The following PCCA variants were observed in gnomAD, a reference collection of about 807,000 sequenced individuals.
PCCA encodes propionyl-CoA carboxylase subunit alpha.
In PCCA, 74 loss-of-function variants were observed where a neutral mutation model predicts 101.3. The observed-to-expected ratio is 0.73, with a 90% confidence interval of 0.61 to 0.89. The LOEUF (loss-of-function observed/expected upper bound fraction) is 0.89, where lower values mean the gene tolerates loss of function less well. Ranked by LOEUF, PCCA falls within the 40% of genes least tolerant of loss-of-function variation. PCCA has a pLI of 0.00. For synonymous variants in PCCA, 294 were observed against 313.6 expected (o/e 0.94, Z 0.66); for missense variants, 891 against 907.0 (o/e 0.98, Z 0.23).
chr13:100,526,167 A>G (rs575147697), intron 22 of PCCA, among the ~76,000 whole-genome samples: 6 of 152,316 alleles, frequency 3.9e-5, no homozygotes, highest in East Asian at 1.9e-4. Context: ...TAAAATGCCA[A>G]CTGGAGGGAG....
At position 100,262,784 on chromosome 13, in the gene PCCA, C is replaced by A; in HGVS notation, c.772C>A (p.Leu258Ile). The A allele has an allele frequency of 6.5e-7, 1 of 1,549,654 alleles. No homozygotes were observed. Among genetic ancestry groups the A allele is most frequent in the Non-Finnish European group, 8.8e-7 (1 of 1,131,314 alleles). Residue 258 changes from leucine to isoleucine, a missense_variant, in exon 10 of 24, where the codon CTA (leucine) becomes ATA (isoleucine). Leu to Ile is a conservative substitution (Grantham distance 5). Coordinates refer to ENST00000376285, the MANE Select transcript of PCCA (RefSeq NM_000282.4). The part of the protein sequence containing the change: ...EAASSFGDDR[L>I]LIEKFIDNPR... ...TGCTTCTAGTTTTGGCGATGATAGACTACTAATAGAAAAATTTATTGATAA... is the reference window on the plus strand; with the variant it reads ...TGCTTCTAGTTTTGGCGATGATAGAATACTAATAGAAAAATTTATTGATAA...
chr13:100,166,840 C>T (rs987706332), intron 6 of PCCA, among the ~76,000 whole-genome samples: 2 of 152,084 alleles, frequency 1.3e-5, no homozygotes, highest in Non-Finnish European at 2.9e-5. Flanking sequence ...TCTGCAAACT[C>T]GTTGGTACAA....
intron 19 of PCCA, among the ~76,000 whole-genome samples, chr13:100,421,036 G>A (rs143331391): frequency 0.029 from 4,444 of 152,130 alleles, 242 homozygotes; most frequent in African/African-American, 0.1. Context: ...GTGAAACACC[G>A]TCTCTACTAA....
At chr13:100,273,158 T>A in intron 11 of PCCA, 38 bp from the exon 12 acceptor site, 1 of 1,563,758 alleles carries the variant, frequency 6.4e-7, no homozygotes, top group Non-Finnish European at 8.8e-7. Flanking sequence ...ACTTGATTTT[T>A]GTCCGAAATG....
At chr13:100,219,810 T>C (rs1299041789) in intron 7 of PCCA, among the ~76,000 whole-genome samples, 1 of 152,210 alleles carries the variant, frequency 6.6e-6, no homozygotes, top group Non-Finnish European at 1.5e-5. Context: ...TATTTTTCCA[T>C]TGTAATTTCT....
At position 100,273,304 on chromosome 13, in the gene PCCA, T is replaced by C; in HGVS notation, c.1023T>C (p.Ser341=). The part of the protein sequence containing the change: ...SAGTVEFLVD[S]KKNFYFLEMN... ...GGACCGTGGAGTTCCTTGTGGACTCTAAGAAGAATTTTTATTTCTTGGAAA... is the reference window on the plus strand; with the variant it reads ...GGACCGTGGAGTTCCTTGTGGACTCCAAGAAGAATTTTTATTTCTTGGAAA... The change falls in exon 12 of 24, where the codon TCT becomes TCC. Residue 341 remains serine, a synonymous_variant. Transcript: ENST00000376285. The C allele has an allele frequency of 6.2e-7, 1 of 1,612,890 alleles. No individual in the cohort carries two copies. Among genetic ancestry groups the C allele is most frequent in the Non-Finnish European group, 8.5e-7 (1 of 1,178,850 alleles).
intron 21 of PCCA, among the ~76,000 whole-genome samples, chr13:100,463,004 G>A (rs1352399675): frequency 6.6e-6 from 1 of 152,210 alleles, no homozygotes; most frequent in African/African-American, 2.4e-5. Context: ...GCAGGAGAAG[G>A]CATTTCAGAT....
chr13:100,506,221 C>A (rs2086064524), intron 21 of PCCA, among the ~76,000 whole-genome samples: 1 of 152,112 alleles, frequency 6.6e-6, no homozygotes, highest in Non-Finnish European at 1.5e-5. Context: ...TGGCCACCTT[C>A]AGCATCGTGT....
intron 19 of PCCA, among the ~76,000 whole-genome samples, chr13:100,415,405 CCAAAA>C (rs1468648362): frequency 2.0e-5 from 3 of 152,228 alleles, no homozygotes; most frequent in East Asian, 1.9e-4. Flanking sequence ...GACCCTGTCT[CCAAAA>C]CAAAACAAAG....
At chr13:100,096,496 ATCT>A (rs1457710229) in intron 1 of PCCA, among the ~76,000 whole-genome samples, 1 of 152,192 alleles carries the variant, frequency 6.6e-6, no homozygotes, top group Non-Finnish European at 1.5e-5. Context: ...CCAATTAATA[ATCT>A]TCTAAGCGTT....
chr13:100,100,183 T>G (rs1314546293), intron 1 of PCCA, among the ~76,000 whole-genome samples: 1 of 152,168 alleles, frequency 6.6e-6, no homozygotes, highest in East Asian at 1.9e-4. Context: ...AATGATTAGC[T>G]CAATGACTCA....
Position 100,530,149 on chromosome 13 carries a change from C to G in PCCA, c.2170C>G (p.Leu724Val). ...AGACACAGTTGGAGAAGGGGATCTGCTCGTGGAGCTGGAATGAAGGATTTA... is the reference window on the plus strand; with the variant it reads ...AGACACAGTTGGAGAAGGGGATCTGGTCGTGGAGCTGGAATGAAGGATTTA... ...AGDTVGEGDL[L>V]VELE is the part of the protein sequence containing the mutation. The change falls in exon 24 of 24, where the codon CTC becomes GTC. Residue 724 changes from leucine to valine, a missense_variant. By Grantham distance (32) the Leu-to-Val change is conservative. Coordinates refer to ENST00000376285, the MANE Select transcript of PCCA (RefSeq NM_000282.4). 6.2e-7 allele frequency: 1 copy of G among 1,613,756 alleles called. No individual in the cohort carries two copies. Among genetic ancestry groups the G allele is most frequent in the Non-Finnish European group, 8.5e-7 (1 of 1,179,622 alleles).
chr13:100,230,178 G>T (rs2060379817), intron 7 of PCCA, among the ~76,000 whole-genome samples: 1 of 152,166 alleles, frequency 6.6e-6, no homozygotes. Flanking sequence ...CTGCATAATT[G>T]CAGGGCGTGG....
rs193002056 is a variant in PCCA, at chr13:100,200,105, A to G, written c.469-9227A>G. Among the ~76,000 whole-genome samples, 50 of 151,446 alleles carry G rather than the reference A, an allele frequency of 3.3e-4. No individual in the cohort carries two copies. The East Asian group carries it at 9.7e-3, about 29-fold the overall frequency. ...CTGTTCCAACTCTTTATTTTTATTT[A>G]TTTATTTATTTATTTTTGAGACAGA... On this transcript the variant is annotated intron_variant, in intron 6 of 23. Transcript: ENST00000376285.
chr13:100,355,103 T>C (rs749812803), intron 18 of PCCA, among the ~76,000 whole-genome samples: 1 of 152,164 alleles, frequency 6.6e-6, no homozygotes, highest in African/African-American at 2.4e-5. Context: ...TACAGTGATA[T>C]ACATCATAAC....
chr13:100,285,644 C>T (rs1308125421), intron 12 of PCCA, among the ~76,000 whole-genome samples: 1 of 152,170 alleles, frequency 6.6e-6, no homozygotes, highest in African/African-American at 2.4e-5. Flanking sequence ...ATACCAGGTG[C>T]TCCTCCTTGA....
intron 16 of PCCA, among the ~76,000 whole-genome samples, chr13:100,328,611 T>C (rs2069032067): frequency 6.6e-6 from 1 of 151,294 alleles, no homozygotes; most frequent in African/African-American, 2.4e-5. Flanking sequence ...TATTTTCTAC[T>C]GTAGTTATGA....
intron 6 of PCCA, among the ~76,000 whole-genome samples, chr13:100,190,351 A>G (rs967480062): frequency 6.6e-6 from 1 of 152,206 alleles, no homozygotes; most frequent in African/African-American, 2.4e-5. Context: ...AAGCATTGTC[A>G]AGTGTGATAA....
chr13:100,166,879 T>C (rs1477188425), intron 6 of PCCA, among the ~76,000 whole-genome samples: 2 of 152,144 alleles, frequency 1.3e-5, no homozygotes, highest in Non-Finnish European at 2.9e-5. Context: ...AATGTATGAG[T>C]GTACTAGTTG....
Sources: gnomAD v4.1 joint callset for allele counts (sites outside exome capture counted in the v4.1 genomes callset) on GRCh38, gnomAD v4.1.1 for gene constraint, MANE v1.5 for transcripts, NCBI Gene and HGNC (gene_info 2026-07-23, HGNC 2026-07-21) for gene names.